PPIP5K2: variants seen among roughly 807,000 people sequenced by gnomAD.
PPIP5K2 encodes the protein inositol hexakisphosphate and diphosphoinositol-pentakisphosphate kinase 2.
In PPIP5K2, 105 loss-of-function variants were observed where a neutral mutation model predicts 154.6. That is an observed-to-expected ratio of 0.68 (90% CI 0.58 to 0.80). PPIP5K2 has a LOEUF of 0.80. Among genes scored for constraint, PPIP5K2 ranks in the 30% least tolerant of loss-of-function variants. The pLI is 0.00. For synonymous variants in PPIP5K2, 480 were observed against 490.3 expected (o/e 0.98, Z 0.28); for missense variants, 992 against 1,504.6 (o/e 0.66, Z 5.64).
intron 19 of PPIP5K2, among the ~76,000 whole-genome samples, chr5:103,169,112 AG>A (rs1292925597): frequency 6.6e-6 from 1 of 151,930 alleles, no homozygotes; most frequent in Non-Finnish European, 1.5e-5. Context: ...ATAAAAATAA[AG>A]GTGTAACAAG....
At chr5:103,154,015 C>A in intron 11 of PPIP5K2, 81 bp downstream of exon 11, 1 of 1,045,560 alleles carries the variant, frequency 9.6e-7, no homozygotes, top group Non-Finnish European at 1.4e-6. Flanking sequence ...TTGATTAATA[C>A]ATCATATAGA....
intron 5 of PPIP5K2, among the ~76,000 whole-genome samples, chr5:103,144,340 T>C (rs139486180): frequency 8.2e-4 from 125 of 152,210 alleles, no homozygotes; most frequent in African/African-American, 3.0e-3. Context: ...ATCAGTATTG[T>C]TAAAATTGCC....
intron 5 of PPIP5K2, among the ~76,000 whole-genome samples, chr5:103,141,167 T>G (rs1462810308): frequency 6.6e-6 from 1 of 152,152 alleles, no homozygotes; most frequent in Non-Finnish European, 1.5e-5. Context: ...CCCCGTCTTG[T>G]GTCCGGAATT....
rs1473121989 is a variant in PPIP5K2 at position 103,187,610 on chromosome 5, A to T, written c.3352+234A>T. 3.3e-5 allele frequency among the ~76,000 whole-genome samples: 5 copies of T among 152,168 alleles called. No homozygotes were observed. In the East Asian group the frequency reaches 9.6e-4, roughly 29 times the overall value. On this transcript the variant is annotated intron_variant, in intron 28 of 30. Transcript: ENST00000358359. ...CATCAAACTTTTAATGACCACAATG[A>T]TGATGAGTTTTAATGCTAAATTAAC... is the stretch of plus-strand genomic sequence containing the variant.
chr5:103,137,961 A>T (rs1287459561), intron 4 of PPIP5K2, among the ~76,000 whole-genome samples: 1 of 152,184 alleles, frequency 6.6e-6, no homozygotes, highest in Admixed American at 6.5e-5. Context: ...TACATACATA[A>T]CAATCACATT....
At chr5:103,197,825 G>A (rs986010496) in intron 30 of PPIP5K2, among the ~76,000 whole-genome samples, 33 of 151,542 alleles carry the variant, frequency 2.2e-4, no homozygotes, top group African/African-American at 7.5e-4. Flanking sequence ...TGATTCGCCT[G>A]CCTCAACCTC....
chr5:103,197,685 C>T (rs1802327239), intron 30 of PPIP5K2, among the ~76,000 whole-genome samples: 1 of 148,998 alleles, frequency 6.7e-6, no homozygotes, highest in African/African-American at 2.5e-5. Flanking sequence ...AAGCGATTCT[C>T]CTGTCTCGGC....
Position 103,177,911 on chromosome 5 carries a change from G to A in PPIP5K2, c.2685G>A (p.Pro895=), listed in dbSNP as rs782667854. The change falls in exon 23 of 31, where the codon CCG becomes CCA. Residue 895 remains proline (P), a synonymous_variant. Transcript: ENST00000358359. The part of the protein sequence containing the change: ...ERFHVELHFS[P]GAKGCEEDKN... ...TTCATGTTGAATTACACTTTAGTCCGGGAGCCAAAGGTTGTGAAGAAGACA... is the reference window on the plus strand; with the variant it reads ...TTCATGTTGAATTACACTTTAGTCCAGGAGCCAAAGGTTGTGAAGAAGACA... The A allele has an allele frequency of 2.7e-5, 43 of 1,613,026 alleles. No homozygotes were observed. The highest frequency in any genetic ancestry group is 4.0e-5 in the African/African-American group (3 of 74,826).
Position 103,138,480 on chromosome 5 carries a change from G to C in PPIP5K2, c.487+11G>C. On this transcript the variant is annotated intron_variant, in intron 5 of 30. Transcript: ENST00000358359. ...CAAATAATCCCAAAGGTAAGAGTAA[G>C]AGATTTTAGGTAAGCTTCCTTTGCC... is the stretch of plus-strand genomic sequence containing the variant. 7.1e-6 allele frequency: 11 copies of C among 1,556,014 alleles called. No homozygotes were observed. The highest frequency in any genetic ancestry group is 9.7e-6 in the Non-Finnish European group (11 of 1,134,552).
intron 30 of PPIP5K2, among the ~76,000 whole-genome samples, chr5:103,195,698 A>G (rs530953229): frequency 6.6e-6 from 1 of 152,242 alleles, no homozygotes. Context: ...TCTTCTTTCT[A>G]CATTCTTATC....
intron 30 of PPIP5K2, among the ~76,000 whole-genome samples, chr5:103,198,864 T>C (rs782156056): frequency 1.3e-5 from 2 of 152,142 alleles, no homozygotes; most frequent in Non-Finnish European, 2.9e-5. Flanking sequence ...ACCTTTATTC[T>C]TTCCTACTCT....
chr5:103,152,768 C>T lies in PPIP5K2; in HGVS notation c.1130+19C>T. ...GAACTATGTAAGTCTGAATTATTTT[C>T]ATTTAGAAATTGAGTTTTCCTTGCC... On this transcript the variant is annotated intron_variant, in intron 10 of 30. Coordinates refer to ENST00000358359, the MANE Select transcript of PPIP5K2 (RefSeq NM_001276277.3). 6.8e-7 allele frequency: 1 copy of T among 1,479,048 alleles called. No individual in the cohort carries two copies. The highest frequency in any genetic ancestry group is 2.3e-5 in the East Asian group (1 of 43,896). The allele number at this position is 1,479,048 out of a possible 1,614,324, so 91.6% of individuals were successfully genotyped here. A position where few individuals can be genotyped will look rare whatever the true frequency, so the allele number is the denominator to read the frequency against.
At chr5:103,143,382 C>G (rs1448596933) in intron 5 of PPIP5K2, among the ~76,000 whole-genome samples, 1 of 152,166 alleles carries the variant, frequency 6.6e-6, no homozygotes, top group African/African-American at 2.4e-5. Context: ...GACAGGATCT[C>G]ACTGTGTAGC....
At position 103,168,293 on chromosome 5, in the gene PPIP5K2, C is replaced by T. The variant is rs1554218618; in HGVS notation, c.2284C>T (p.Gln762Ter). 1.3e-6 allele frequency: 2 copies of T among 1,572,192 alleles called. No homozygotes were observed. The highest frequency in any genetic ancestry group is 3.5e-5 in the Admixed American group (2 of 56,718). The part of the protein sequence containing the change: ...SKALADIVIP[Q>*]EYGITKAEKL... ...GGCATTAGCAGATATTGTTATCCCT[C>T]AGGTAAGTCATTCTTAAGAATCAAT... Residue 762 changes from glutamine to a stop codon, truncating the protein, a stop_gained and splice_region_variant, in exon 19 of 31, where the codon CAG (glutamine) becomes TAG (stop). Transcript: ENST00000358359. LOFTEE classifies it high-confidence loss of function.
chr5:103,212,753 A>G lies in PPIP5K2; in HGVS notation c.*11119A>G, dbSNP rs1387000870. The G allele has an allele frequency of 6.6e-6, 1 of 152,078 alleles. No homozygotes were observed. Among genetic ancestry groups the G allele is most frequent in the Admixed American group, 6.6e-5 (1 of 15,258 alleles). 9.4% of individuals were successfully genotyped at this position (152,078 alleles called of 1,614,324 possible). A position where few individuals can be genotyped will look rare whatever the true frequency, so the allele number is the denominator to read the frequency against. Reference sequence around the variant, plus strand: ...TGTAAAGTTAAAAATTTTTTCAGTCATCTGTAATCTCATTACCCAAGTAAA... The same window carrying G: ...TGTAAAGTTAAAAATTTTTTCAGTCGTCTGTAATCTCATTACCCAAGTAAA... On this transcript the variant is annotated 3_prime_UTR_variant, in exon 31 of 31. Coordinates refer to ENST00000358359, the MANE Select transcript of PPIP5K2 (RefSeq NM_001276277.3).
At chr5:103,151,133 C>A in intron 8 of PPIP5K2, 120 bp from the exon 9 acceptor site, 4 of 701,030 alleles carry the variant, frequency 5.7e-6, no homozygotes, top group South Asian at 3.6e-5. Flanking sequence ...TGAAGTAAAC[C>A]ACTATATAGT....
At chr5:103,128,199 T>C (rs985075780) in intron 1 of PPIP5K2, among the ~76,000 whole-genome samples, 36 of 152,274 alleles carry the variant, frequency 2.4e-4, no homozygotes, top group African/African-American at 8.4e-4. Flanking sequence ...CTTTTAATTC[T>C]ACCTAGCATA....
At chr5:103,146,479 A>G in intron 5 of PPIP5K2, 48 bp from the exon 6 acceptor site, 3 of 1,574,648 alleles carry the variant, frequency 1.9e-6, no homozygotes, top group Non-Finnish European at 1.7e-6. Context: ...TGTCCTGATA[A>G]TATAATAAGA....
At chr5:103,189,128 C>T (rs1554226068) in intron 28 of PPIP5K2, 3 of 1,440,090 alleles carry the variant, frequency 2.1e-6, no homozygotes, top group Non-Finnish European at 2.8e-6. Context: ...CAAGTATCTT[C>T]TGACAGTGCT....
Sources: allele counts gnomAD v4.1 joint callset (sites outside exome capture counted in the v4.1 genomes callset), GRCh38; gene constraint gnomAD v4.1.1; transcripts MANE v1.5; gene names NCBI Gene and HGNC (gene_info 2026-07-23, HGNC 2026-07-21).